MTCL1: variants seen among roughly 807,000 people sequenced by gnomAD.
MTCL1 encodes the protein microtubule crosslinking factor 1.
In MTCL1, 79 loss-of-function variants were observed where a neutral mutation model predicts 141.4. That is an observed-to-expected ratio of 0.56 (90% CI 0.47 to 0.67). MTCL1 has a LOEUF of 0.67. MTCL1 is among the 30% of genes least tolerant of loss of function. The pLI is 0.00. For missense variants in MTCL1, 2,177 were observed against 2,113.9 expected (o/e 1.03, Z -0.59); for synonymous variants, 914 against 875.8 (o/e 1.04, Z -0.77).
chr18:8,769,862 C>T (rs183510297), intron 4 of MTCL1, among the ~76,000 whole-genome samples: 276 of 152,338 alleles, frequency 1.8e-3, no homozygotes, highest in Non-Finnish European at 3.0e-3. Context: ...TTCTGTCTTA[C>T]TTTTCCAAAT....
intron 4 of MTCL1, among the ~76,000 whole-genome samples, chr18:8,725,049 C>G (rs965118806): frequency 6.6e-6 from 1 of 151,612 alleles, no homozygotes; most frequent in Non-Finnish European, 1.5e-5. Flanking sequence ...AAATGGTTAA[C>G]CTTAGCTTAG....
chr18:8,758,745 AT>A (rs2096415252), intron 4 of MTCL1, among the ~76,000 whole-genome samples: 2 of 152,182 alleles, frequency 1.3e-5, no homozygotes, highest in Non-Finnish European at 1.5e-5. Context: ...GTAATTGTAA[AT>A]TCTTGGTTAT....
intron 12 of MTCL1, among the ~76,000 whole-genome samples, chr18:8,816,286 T>G (rs2076652474): frequency 6.6e-6 from 1 of 152,264 alleles, no homozygotes; most frequent in Non-Finnish European, 1.5e-5. Context: ...AATATAACCT[T>G]GACTGTGATA....
chr18:8,797,943 G>C (rs2075982518), intron 9 of MTCL1, among the ~76,000 whole-genome samples, 154 bp from the exon 9 acceptor site: 1 of 152,232 alleles, frequency 6.6e-6, no homozygotes, highest in African/African-American at 2.4e-5. Context: ...GCCAATGAGT[G>C]AGATGGCCAA....
intron 12 of MTCL1, among the ~76,000 whole-genome samples, chr18:8,818,170 A>G (rs2076722422): frequency 6.6e-6 from 1 of 152,174 alleles, no homozygotes; most frequent in African/African-American, 2.4e-5. Flanking sequence ...CATCTTACAG[A>G]TAAGGAAACT....
rs1307853296 is a variant in MTCL1, at chr18:8,779,902, TG to T, written c.417+2013del. On this transcript the variant is annotated intron_variant, in intron 5 of 16. Coordinates refer to ENST00000359865, the Ensembl canonical transcript of MTCL1. The surrounding 1 kb of genome is among the most constrained non-coding windows in gnomAD (Gnocchi z 4.1). Reference sequence around the variant, plus strand: ...TAGGATCTTGCTGCTTTAACTGACCTGGGTTTAGGTTCATGGAGACGGAGGA... The same window carrying T: ...TAGGATCTTGCTGCTTTAACTGACCTGGTTTAGGTTCATGGAGACGGAGGA... 6.6e-6 allele frequency among the ~76,000 whole-genome samples: 1 copy of T among 152,150 alleles called. No individual in the cohort carries two copies. The highest frequency in any genetic ancestry group is 1.9e-4 in the East Asian group (1 of 5,200).
chr18:8,706,844 C>A, intron 1 of MTCL1, 131 bp downstream of exon 1: 1 of 1,395,124 alleles, frequency 7.2e-7, no homozygotes, highest in Non-Finnish European at 9.3e-7. Context: ...GTCCTACCCC[C>A]GCATTGTCAG....
exon 15 of MTCL1, chr18:8,825,235 C>A (rs200700286): frequency 1.3e-6 from 2 of 1,596,164 alleles, no homozygotes; most frequent in Admixed American, 1.7e-5. Context: ...CCTTGCACCT[C>A]CCCCAGGCAC....
At chr18:8,786,126 T>TC in intron 7 of MTCL1, 35 bp downstream of exon 6, 3 of 511,088 alleles carry the variant, frequency 5.9e-6, no homozygotes, top group Non-Finnish European at 3.0e-6. Flanking sequence ...CCCCCCGCCC[T>TC]CCCCCTCCTT....
intron 4 of MTCL1, among the ~76,000 whole-genome samples, chr18:8,754,895 A>T (rs1037552356): frequency 2.6e-5 from 4 of 152,146 alleles, no homozygotes; most frequent in Non-Finnish European, 5.9e-5. Flanking sequence ...TACACCTGAG[A>T]GTCTCCAGCT....
At chr18:8,738,787 A>G (rs925548237) in intron 4 of MTCL1, among the ~76,000 whole-genome samples, 47 of 152,210 alleles carry the variant, frequency 3.1e-4, no homozygotes, top group African/African-American at 1.1e-3. Flanking sequence ...TGCAGCATCT[A>G]TGACATCTGA....
chr18:8,717,586 G>A (rs2096137187), intron 1 of MTCL1, among the ~76,000 whole-genome samples: 1 of 152,224 alleles, frequency 6.6e-6, no homozygotes, highest in Admixed American at 6.5e-5. Context: ...CAGACTGTAG[G>A]AGGATTAGAG....
At chr18:8,823,269 A>T (rs1335236380) in intron 14 of MTCL1, among the ~76,000 whole-genome samples, 1 of 152,092 alleles carries the variant, frequency 6.6e-6, no homozygotes, top group African/African-American at 2.4e-5. Flanking sequence ...TGTCTTTATC[A>T]TCTCTGTTCC....
upstream of MTCL1, among the ~76,000 whole-genome samples, chr18:8,713,540 A>G (rs530127172): frequency 6.6e-6 from 1 of 152,354 alleles, no homozygotes; most frequent in South Asian, 2.1e-4. Flanking sequence ...TGTTAGTTTG[A>G]AAATCACTAT....
intron 4 of MTCL1, among the ~76,000 whole-genome samples, chr18:8,726,175 T>G (rs2096209495): frequency 6.6e-6 from 1 of 152,122 alleles, no homozygotes; most frequent in Non-Finnish European, 1.5e-5. Context: ...AATGACCTCT[T>G]TATTCTAATG....
upstream of MTCL1, among the ~76,000 whole-genome samples, chr18:8,713,835 CAGG>C (rs1233298902): frequency 2.0e-5 from 3 of 152,086 alleles, no homozygotes; most frequent in Non-Finnish European, 4.4e-5. Context: ...CCCAGCTACT[CAGG>C]AGGCTGAGGC....
chr18:8,826,910 A>T (rs2077044989), intron 15 of MTCL1, among the ~76,000 whole-genome samples: 3 of 152,260 alleles, frequency 2.0e-5, no homozygotes, highest in African/African-American at 7.2e-5. Flanking sequence ...TCTGATGCAC[A>T]TCCACATGTG....
chr18:8,756,391 ATATATGTATATATGTGTG>A (rs2096399038), intron 4 of MTCL1, among the ~76,000 whole-genome samples: 3 of 147,082 alleles, frequency 2.0e-5, no homozygotes, highest in Non-Finnish European at 3.0e-5. Context: ...ATATATGTGT[ATATATGTATATATGTGTG>A]TATATGTGTA....
intron 4 of MTCL1, among the ~76,000 whole-genome samples, chr18:8,743,998 T>G (rs2096320247): frequency 6.6e-6 from 1 of 152,260 alleles, no homozygotes; most frequent in Non-Finnish European, 1.5e-5. Context: ...TTATTCTGCA[T>G]GACTGGATAC....
Sources: allele counts gnomAD v4.1 joint callset (sites outside exome capture counted in the v4.1 genomes callset), GRCh38; gene constraint gnomAD v4.1.1; non-coding constraint Gnocchi (gnomAD v3.1); transcripts MANE v1.5; gene names NCBI Gene and HGNC (gene_info 2026-07-23, HGNC 2026-07-21).